Variants in FOXP2 observed in about 807,000 individuals in gnomAD.
The protein encoded by FOXP2 is forkhead box P2, also known as forkhead box protein P2.
FOXP2 carries 12 observed loss-of-function variants against 115.8 expected under a neutral mutation model. The ratio of observed to expected loss-of-function variants is 0.10; its 90% CI spans 0.07 to 0.17. The LOEUF is 0.17. Ranked by LOEUF, FOXP2 falls within the 10% of genes least tolerant of loss-of-function variation. The probability of loss-of-function intolerance (pLI) is 1.00; values close to 1 mark genes in which losing one functional copy is unlikely to be tolerated. For synonymous variants in FOXP2, 328 were observed against 297.7 expected (o/e 1.10, Z -1.05); for missense variants, 629 against 843.5 (o/e 0.75, Z 3.15).
At chr7:114,476,133 C>A in intron 2 of FOXP2, among the ~76,000 whole-genome samples, 1 of 150,044 alleles carries the variant, frequency 6.7e-6, no homozygotes, top group East Asian at 1.9e-4. Flanking sequence ...AATTAGGTCC[C>A]ATTTGTTTAT....
At chr7:114,324,370 T>G (rs1378953529) in intron 2 of FOXP2, among the ~76,000 whole-genome samples, 1 of 151,964 alleles carries the variant, frequency 6.6e-6, no homozygotes, top group Non-Finnish European at 1.5e-5. Context: ...TACTGACAGT[T>G]CCCTTTGAGC....
chr7:114,168,676 C>T (rs1793049001), intron 1 of FOXP2, among the ~76,000 whole-genome samples: 1 of 152,114 alleles, frequency 6.6e-6, no homozygotes. Flanking sequence ...AAGCCTACTG[C>T]ACAAATTTGC....
chr7:114,435,191 A>G (rs1200558738), intron 2 of FOXP2, among the ~76,000 whole-genome samples: 2 of 152,200 alleles, frequency 1.3e-5, no homozygotes, highest in African/African-American at 2.4e-5. Context: ...CCCAGCCTTC[A>G]GTACAGAAGA....
rs567354301 is a variant in FOXP2 at position 114,490,047 on chromosome 7, A to G, written c.169-44570A>G. Among the ~76,000 whole-genome samples the G allele has an allele frequency of 3.3e-5, 5 of 152,278 alleles. No individual in the cohort carries two copies. In the South Asian group the frequency reaches 8.3e-4, roughly 25 times the overall value. On this transcript the variant is annotated intron_variant, in intron 2 of 16. Coordinates refer to ENST00000350908, the MANE Select transcript of FOXP2 (RefSeq NM_014491.4). ...TTTCTTACAAAACTAAACATATTCT[A>G]TATGATCAGCAATTGTGCTCTTCTG...
chr7:114,297,212 G>A, intron 2 of FOXP2: 1 of 481,034 alleles, frequency 2.1e-6, no homozygotes, highest in East Asian at 5.1e-5. Flanking sequence ...TTTTCTCGAT[G>A]AAACTTGAGG....
At chr7:114,432,895 C>T (rs1794178644) in intron 2 of FOXP2, among the ~76,000 whole-genome samples, 1 of 151,870 alleles carries the variant, frequency 6.6e-6, no homozygotes. Context: ...TATTATCATC[C>T]ACAGTTATTT....
intron 1 of FOXP2, among the ~76,000 whole-genome samples, chr7:114,199,189 A>G (rs1158234241): frequency 6.6e-6 from 1 of 152,092 alleles, no homozygotes; most frequent in Non-Finnish European, 1.5e-5. Flanking sequence ...GCCCTCAAAT[A>G]TTAATTTCAC....
chr7:114,446,221 A>G (rs1794830796), intron 2 of FOXP2, among the ~76,000 whole-genome samples: 1 of 152,070 alleles, frequency 6.6e-6, no homozygotes, highest in Non-Finnish European at 1.5e-5. Context: ...AGTCCCTGCA[A>G]AGCAAGTTTA....
chr7:114,436,064 G>A (rs1475246883), intron 2 of FOXP2, among the ~76,000 whole-genome samples: 2 of 152,036 alleles, frequency 1.3e-5, no homozygotes, highest in Admixed American at 1.3e-4. Flanking sequence ...AAAAAGCAAG[G>A]CTTGGGTTTT....
chr7:114,410,463 A>T (rs553624573), upstream of FOXP2, among the ~76,000 whole-genome samples: 1 of 152,270 alleles, frequency 6.6e-6, no homozygotes, highest in Admixed American at 6.5e-5. Context: ...CACTGTCTTC[A>T]TCTGTAAAAA....
rs1196457678 is a variant in FOXP2, at chr7:114,644,164, G to A, written c.990-521G>A. ...CAAAAGTCTTCAATAATTATATAAA[G>A]ATAAAGCTAATGAATACTGTTCCAA... is the stretch of plus-strand genomic sequence containing the variant. On this transcript the variant is annotated intron_variant, in intron 7 of 16. Coordinates refer to ENST00000350908, the MANE Select transcript of FOXP2 (RefSeq NM_014491.4). 8.5e-5 allele frequency among the ~76,000 whole-genome samples: 13 copies of A among 152,186 alleles called. 1 individual carries two copies. Among genetic ancestry groups the A allele is most frequent in the Middle Eastern group, 6.8e-3 (2 of 292 alleles).
intron 2 of FOXP2, among the ~76,000 whole-genome samples, chr7:114,375,774 G>C (rs1014947330): frequency 1.3e-5 from 2 of 152,088 alleles, no homozygotes; most frequent in African/African-American, 4.8e-5. Flanking sequence ...CTTGTTGACC[G>C]GGCTGCTGGC....
At chr7:114,169,597 G>A (rs1267414745) in intron 1 of FOXP2, among the ~76,000 whole-genome samples, 1 of 152,116 alleles carries the variant, frequency 6.6e-6, no homozygotes, top group African/African-American at 2.4e-5. Flanking sequence ...ATGAAACACT[G>A]GACTGTGGAC....
intron 1 of FOXP2, among the ~76,000 whole-genome samples, chr7:114,204,269 A>G (rs1458955324): frequency 6.6e-6 from 1 of 152,204 alleles, no homozygotes; most frequent in African/African-American, 2.4e-5. Context: ...TTGATATAAA[A>G]TTACTAGTGA....
At chr7:114,312,370 A>T (rs1253982183) in intron 2 of FOXP2, among the ~76,000 whole-genome samples, 3 of 152,140 alleles carry the variant, frequency 2.0e-5, no homozygotes, top group Admixed American at 6.5e-5. Context: ...GCCTCTAAAC[A>T]TTATCTTAAC....
At chr7:114,457,405 A>T (rs943292730) in intron 2 of FOXP2, among the ~76,000 whole-genome samples, 1 of 152,158 alleles carries the variant, frequency 6.6e-6, no homozygotes, top group Admixed American at 6.5e-5. Flanking sequence ...TTAAAAAAAA[A>T]TCATAATTTC....
chr7:114,192,940 C>T (rs939612580), intron 1 of FOXP2, among the ~76,000 whole-genome samples: 2 of 152,070 alleles, frequency 1.3e-5, no homozygotes, highest in Non-Finnish European at 2.9e-5. Flanking sequence ...CTTTATATTT[C>T]ATTTACTCAT....
intron 2 of FOXP2, among the ~76,000 whole-genome samples, chr7:114,471,258 G>A (rs537589334): frequency 1.3e-5 from 2 of 152,188 alleles, no homozygotes; most frequent in South Asian, 4.2e-4. Context: ...GAAAAAGATT[G>A]ACTTAGTTGT....
intron 2 of FOXP2, among the ~76,000 whole-genome samples, chr7:114,323,933 T>C (rs1797491264): frequency 6.6e-6 from 1 of 151,954 alleles, no homozygotes. Context: ...TTCTTCAAGA[T>C]GAAGAACTCT....
Sources: allele counts gnomAD v4.1 joint callset (sites outside exome capture counted in the v4.1 genomes callset), GRCh38; gene constraint gnomAD v4.1.1; transcripts MANE v1.5; gene names NCBI Gene and HGNC (gene_info 2026-07-23, HGNC 2026-07-21).